COL14A1: variants seen among roughly 807,000 people sequenced by gnomAD.
COL14A1 encodes the protein collagen type XIV alpha 1 chain.
Under a neutral mutation model 230.3 loss-of-function variants are expected in COL14A1, and 136 were observed. That is an observed-to-expected ratio of 0.59 (90% CI 0.51 to 0.68). The LOEUF (loss-of-function observed/expected upper bound fraction) is 0.68, where lower values mean the gene tolerates loss of function less well. COL14A1 is among the 30% of genes least tolerant of loss of function. COL14A1 has a pLI of 0.00. For synonymous variants in COL14A1, 792 were observed against 784.1 expected (o/e 1.01, Z -0.17); for missense variants, 1,976 against 2,215.8 (o/e 0.89, Z 2.17).
intron 34 of COL14A1, among the ~76,000 whole-genome samples, chr8:120,294,033 A>G (rs971324414): frequency 6.6e-6 from 1 of 151,862 alleles, no homozygotes; most frequent in African/African-American, 2.4e-5. Flanking sequence ...CAAATTACAA[A>G]CAGAAAATGG....
intron 25 of COL14A1, among the ~76,000 whole-genome samples, 189 bp from the exon 26 acceptor site, chr8:120,269,846 G>C (rs898158456): frequency 6.6e-6 from 1 of 151,728 alleles, no homozygotes; most frequent in African/African-American, 2.4e-5. Flanking sequence ...AGAACCTTGA[G>C]TATAAAAGAG....
At chr8:120,287,229 CA>C (rs1031360110) in intron 33 of COL14A1, among the ~76,000 whole-genome samples, 1 of 147,942 alleles carries the variant, frequency 6.8e-6, no homozygotes, top group Non-Finnish European at 1.5e-5. Flanking sequence ...AAAAAAAAAA[CA>C]ACTTGCTTTT....
At chr8:120,188,470 C>A (rs1317682446) in intron 5 of COL14A1, among the ~76,000 whole-genome samples, 4 of 152,152 alleles carry the variant, frequency 2.6e-5, no homozygotes, top group Non-Finnish European at 5.9e-5. Context: ...TCACAAAACT[C>A]CAGAAAGTAT....
At chr8:120,346,231 A>AC (rs11430360) in intron 45 of COL14A1, among the ~76,000 whole-genome samples, 81,382 of 152,118 alleles carry the variant, frequency 0.53, 23,286 homozygotes, top group African/African-American at 0.76. Context: ...CTTTTCTTCC[A>AC]CATCTACAGG....
intron 19 of COL14A1, among the ~76,000 whole-genome samples, chr8:120,239,029 G>A: frequency 6.6e-6 from 1 of 152,210 alleles, no homozygotes; most frequent in East Asian, 1.9e-4. Context: ...ACTGGGAGCT[G>A]CAGACCAGAG....
intron 5 of COL14A1, among the ~76,000 whole-genome samples, chr8:120,187,247 A>G (rs1816679807): frequency 6.6e-6 from 1 of 152,216 alleles, no homozygotes; most frequent in Non-Finnish European, 1.5e-5. Flanking sequence ...TAAAAGGAAG[A>G]TTTTTAATTT....
chr8:120,186,623 A>C (rs1816660952), intron 5 of COL14A1, among the ~76,000 whole-genome samples: 1 of 152,164 alleles, frequency 6.6e-6, no homozygotes, highest in Non-Finnish European at 1.5e-5. Flanking sequence ...ACTTTGATAC[A>C]ATCTCCCTGA....
chr8:120,341,596 A>G (rs1264627621), intron 43 of COL14A1, among the ~76,000 whole-genome samples: 1 of 152,226 alleles, frequency 6.6e-6, no homozygotes, highest in Non-Finnish European at 1.5e-5. Context: ...CATCCAGGTC[A>G]ATGAACTTGG....
At chr8:120,283,500 T>G in intron 31 of COL14A1, 136 bp from the exon 32 acceptor site, 1 of 793,420 alleles carries the variant, frequency 1.3e-6, no homozygotes, top group Non-Finnish European at 2.0e-6. Flanking sequence ...AGATCAACAG[T>G]GATCTAGTTG....
intron 36 of COL14A1, among the ~76,000 whole-genome samples, chr8:120,307,621 C>T (rs1820893965): frequency 6.6e-6 from 1 of 152,050 alleles, no homozygotes; most frequent in Non-Finnish European, 1.5e-5. Flanking sequence ...TATAAATAGA[C>T]AGTCACAGTG....
intron 24 of COL14A1, among the ~76,000 whole-genome samples, chr8:120,263,927 A>T (rs2129776205): frequency 6.6e-6 from 1 of 152,278 alleles, no homozygotes. Context: ...ATTTCACAAC[A>T]CTTAAATATG....
intron 18 of COL14A1, 42 bp from the exon 19 acceptor site, chr8:120,231,425 A>G (rs2130817360): frequency 1.3e-6 from 2 of 1,598,256 alleles, no homozygotes; most frequent in Non-Finnish European, 1.7e-6. Context: ...TTGGAATATG[A>G]TATGTTAAAA....
chr8:120,128,395 A>T (rs1427894013), intron 1 of COL14A1, among the ~76,000 whole-genome samples: 1 of 152,224 alleles, frequency 6.6e-6, no homozygotes, highest in Non-Finnish European at 1.5e-5. Flanking sequence ...AGCTTCAAGG[A>T]TAAAAAGCAC....
intron 45 of COL14A1, among the ~76,000 whole-genome samples, chr8:120,357,697 GT>G (rs1823034236): frequency 6.6e-6 from 1 of 152,084 alleles, no homozygotes; most frequent in South Asian, 2.1e-4. Flanking sequence ...TTGCCAAGCA[GT>G]ATGACGTCTA....
At chr8:120,263,654 G>A (rs1259980825) in intron 24 of COL14A1, among the ~76,000 whole-genome samples, 3 of 152,094 alleles carry the variant, frequency 2.0e-5, no homozygotes, top group African/African-American at 4.8e-5. Context: ...GAATTCTGGG[G>A]GACATTTGTG....
intron 26 of COL14A1, among the ~76,000 whole-genome samples, chr8:120,272,826 A>T (rs1288071008): frequency 6.6e-6 from 1 of 151,656 alleles, no homozygotes; most frequent in Non-Finnish European, 1.5e-5. Context: ...AAGAAGTAAG[A>T]CAACAACACA....
intron 5 of COL14A1, among the ~76,000 whole-genome samples, chr8:120,173,648 C>CTCTA (rs59734398): frequency 0.19 from 28,286 of 146,108 alleles, 2,678 homozygotes; most frequent in East Asian, 0.23. Context: ...TATTATCTGT[C>CTCTA]TCTATCTATC....
At chr8:120,297,872 G>T (rs532224339) in intron 35 of COL14A1, among the ~76,000 whole-genome samples, 34 of 151,820 alleles carry the variant, frequency 2.2e-4, no homozygotes, top group Non-Finnish European at 3.8e-4. Flanking sequence ...GCTTTTTCTT[G>T]CACCCCTAAG....
chr8:120,327,332 C>T (rs1166094294), intron 40 of COL14A1, among the ~76,000 whole-genome samples: 1 of 152,142 alleles, frequency 6.6e-6, no homozygotes, highest in African/African-American at 2.4e-5. Flanking sequence ...TGATTTGGTT[C>T]ATAGACTCTT....
Sources: allele counts gnomAD v4.1 joint callset (sites outside exome capture counted in the v4.1 genomes callset), GRCh38; gene constraint gnomAD v4.1.1; transcripts MANE v1.5; gene names NCBI Gene and HGNC (gene_info 2026-07-23, HGNC 2026-07-21).